Variants in MARCHF3 observed in about 807,000 individuals in gnomAD.
MARCHF3 encodes E3 ubiquitin-protein ligase MARCHF3.
A neutral mutation model predicts 24.2 loss-of-function variants in MARCHF3; 13 were observed. The ratio of observed to expected loss-of-function variants is 0.54; its 90% CI spans 0.35 to 0.85. The LOEUF (loss-of-function observed/expected upper bound fraction) is 0.85. Among genes scored for constraint, MARCHF3 ranks in the 40% least tolerant of loss-of-function variants. The pLI, the probability that MARCHF3 is intolerant of heterozygous loss-of-function variation, is 0.01. For synonymous variants in MARCHF3, 144 were observed against 137.3 expected (o/e 1.05, Z -0.34); for missense variants, 276 against 325.0 (o/e 0.85, Z 1.16).
At chr5:126,916,279 T>C (rs779238334) in intron 2 of MARCHF3, among the ~76,000 whole-genome samples, 14 of 152,172 alleles carry the variant, frequency 9.2e-5, no homozygotes, top group Non-Finnish European at 1.5e-4. Flanking sequence ...AAATGTGTCC[T>C]CATGATATGT....
intron 1 of MARCHF3, among the ~76,000 whole-genome samples, chr5:126,987,247 C>T (rs1751597056): frequency 6.6e-6 from 1 of 152,144 alleles, no homozygotes; most frequent in Non-Finnish European, 1.5e-5. Context: ...TGAATATGCC[C>T]TAGAAATCCA....
intron 1 of MARCHF3, among the ~76,000 whole-genome samples, chr5:126,939,306 A>G (rs1749750060): frequency 6.6e-6 from 1 of 152,228 alleles, no homozygotes; most frequent in Non-Finnish European, 1.5e-5. Flanking sequence ...TTCATTTGAA[A>G]GGAAAGGTTC....
At chr5:126,971,220 C>A (rs935968390) in intron 1 of MARCHF3, among the ~76,000 whole-genome samples, 1 of 151,828 alleles carries the variant, frequency 6.6e-6, no homozygotes, top group African/African-American at 2.4e-5. Context: ...GAGGCCGAGG[C>A]GGGCAGATCA....
At chr5:126,968,809 C>A (rs766332089) in intron 1 of MARCHF3, among the ~76,000 whole-genome samples, 1 of 152,044 alleles carries the variant, frequency 6.6e-6, no homozygotes, top group African/African-American at 2.4e-5. Context: ...TCTACCCAGG[C>A]CTCCCAAAGT....
intron 3 of MARCHF3, among the ~76,000 whole-genome samples, chr5:126,886,353 A>C (rs563590076): frequency 1.3e-5 from 2 of 152,314 alleles, no homozygotes; most frequent in Admixed American, 1.3e-4. Flanking sequence ...CAACAGATAA[A>C]GTTGGAGAAG....
At chr5:126,887,864 C>A (rs565167676) in intron 3 of MARCHF3, among the ~76,000 whole-genome samples, 17 of 152,282 alleles carry the variant, frequency 1.1e-4, no homozygotes, top group Non-Finnish European at 2.1e-4. Context: ...CAAACCCTCA[C>A]CCCAGTTCTT....
intron 1 of MARCHF3, among the ~76,000 whole-genome samples, chr5:126,997,532 C>T (rs1025695335): frequency 1.3e-5 from 2 of 152,186 alleles, no homozygotes; most frequent in African/African-American, 4.8e-5. Context: ...AACTTCCTCT[C>T]TAATCCATAG....
intron 3 of MARCHF3, among the ~76,000 whole-genome samples, chr5:126,898,140 A>G (rs570900933): frequency 1.3e-5 from 2 of 152,214 alleles, no homozygotes; most frequent in African/African-American, 4.8e-5. Context: ...GGTGATGACT[A>G]TACAACCGTG....
Position 126,915,049 on chromosome 5 carries a change from T to A in MARCHF3, c.274A>T (p.Thr92Ser). Reference sequence around the variant, plus strand: ...CAGCTCCGATGAATTGTCCCCAAGGTCCCTGTACATTCACATGGAGAGAGC... The same window carrying A: ...CAGCTCCGATGAATTGTCCCCAAGGACCCTGTACATTCACATGGAGAGAGC... The part of the protein sequence containing the change: ...DLLSPCECTG[T>S]LGTIHRSCLE... The change falls in exon 3 of 5, where the codon ACC (threonine) becomes TCC (serine). Residue 92 changes from threonine to serine, a missense_variant. Coordinates refer to ENST00000308660, the MANE Select transcript of MARCHF3 (RefSeq NM_178450.5). 6.2e-7 allele frequency: 1 copy of A among 1,614,150 alleles called. No individual in the cohort carries two copies. Among genetic ancestry groups the A allele is most frequent in the Non-Finnish European group, 8.5e-7 (1 of 1,180,022 alleles).
At chr5:126,940,699 G>A (rs557476733) in intron 1 of MARCHF3, among the ~76,000 whole-genome samples, 10 of 151,460 alleles carry the variant, frequency 6.6e-5, no homozygotes, top group Admixed American at 6.6e-4. Context: ...CACCCACCTC[G>A]GCCTCCCAAA....
At chr5:126,898,257 A>T (rs1024856522) in intron 3 of MARCHF3, among the ~76,000 whole-genome samples, 2 of 152,124 alleles carry the variant, frequency 1.3e-5, no homozygotes, top group Non-Finnish European at 2.9e-5. Flanking sequence ...TGAGACTGGA[A>T]GACCCTTTAG....
At chr5:126,938,330 G>T (rs1333529606) in intron 1 of MARCHF3, among the ~76,000 whole-genome samples, 2 of 151,832 alleles carry the variant, frequency 1.3e-5, no homozygotes, top group Admixed American at 1.3e-4. Flanking sequence ...ACCACACCTG[G>T]CTAATTTTTG....
chr5:126,949,513 G>A (rs746986399), intron 1 of MARCHF3, among the ~76,000 whole-genome samples: 3 of 152,150 alleles, frequency 2.0e-5, no homozygotes, highest in Non-Finnish European at 4.4e-5. Context: ...CTGGACCAGG[G>A]AGCTAGAACC....
chr5:126,923,015 C>T (rs912990628), intron 1 of MARCHF3, among the ~76,000 whole-genome samples: 6 of 152,136 alleles, frequency 3.9e-5, no homozygotes, highest in Admixed American at 1.3e-4. Flanking sequence ...CCTGACCCCA[C>T]GGCCTTCAGA....
At chr5:126,887,991 T>C (rs1204626029) in intron 3 of MARCHF3, among the ~76,000 whole-genome samples, 2 of 152,214 alleles carry the variant, frequency 1.3e-5, no homozygotes, top group South Asian at 2.1e-4. Context: ...GGAAGCTCTG[T>C]TAGTACATGA....
chr5:126,898,638 C>A (rs1754005008), intron 3 of MARCHF3, among the ~76,000 whole-genome samples: 1 of 152,020 alleles, frequency 6.6e-6, no homozygotes, highest in Non-Finnish European at 1.5e-5. Context: ...CATATTTTCC[C>A]TTCATCTCCC....
rs748326476 is a variant in MARCHF3 at position 126,878,230 on chromosome 5, A to G, written c.558T>C (p.Ile186=). Residue 186 remains isoleucine, a synonymous_variant, in exon 4 of 5, where the codon ATT becomes ATC. Transcript: ENST00000308660. ...FSSRLEAVGL[I]ALTVALFTIY... is the part of the protein sequence containing the mutation. ...TAGTGAAGAGTGCGACAGTGAGTGCAATCAGTCCGACGGCTTCCAGCCGAC... is the reference window on the plus strand; with the variant it reads ...TAGTGAAGAGTGCGACAGTGAGTGCGATCAGTCCGACGGCTTCCAGCCGAC... The G allele has an allele frequency of 1.2e-6, 2 of 1,614,272 alleles. No individual in the cohort carries two copies. The highest frequency in any genetic ancestry group is 2.2e-5 in the South Asian group (2 of 91,086).
intron 1 of MARCHF3, among the ~76,000 whole-genome samples, chr5:127,008,826 T>C (rs1207053789): frequency 6.6e-6 from 1 of 151,094 alleles, no homozygotes; most frequent in Middle Eastern, 3.2e-3. Context: ...GAACCCTATT[T>C]TAAGAGTCTG....
intron 1 of MARCHF3, among the ~76,000 whole-genome samples, chr5:127,023,767 AAT>A (rs1295843615): frequency 5.4e-5 from 8 of 148,940 alleles, no homozygotes; most frequent in South Asian, 4.2e-4. Context: ...TAAATAAATA[AAT>A]AAATAAATAA....
Sources: gnomAD v4.1 joint callset for allele counts (sites outside exome capture counted in the v4.1 genomes callset) on GRCh38, gnomAD v4.1.1 for gene constraint, MANE v1.5 for transcripts, NCBI Gene and HGNC (gene_info 2026-07-23, HGNC 2026-07-21) for gene names.